PCP4L1: variants seen among roughly 807,000 people sequenced by gnomAD.
The protein encoded by PCP4L1 is Purkinje cell protein 4-like protein 1.
PCP4L1 carries 9 observed loss-of-function variants against 9.6 expected under a neutral mutation model. The observed-to-expected ratio is 0.94, with a 90% confidence interval of 0.57 to 1.64. The LOEUF (loss-of-function observed/expected upper bound fraction) is 1.64. Ranked by LOEUF, PCP4L1 falls within the 40% of genes most tolerant of loss-of-function variation. PCP4L1 has a pLI of 0.00. For missense variants in PCP4L1, 81 were observed against 80.8 expected, an observed-to-expected ratio of 1.00 and a Z score of -0.01; for synonymous variants, 31 against 28.2, an observed-to-expected ratio of 1.10 and a Z score of -0.31.
At chr1:161,259,886 T>C (rs998897007) in intron 1 of PCP4L1, among the ~76,000 whole-genome samples, 4 of 152,218 alleles carry the variant, frequency 2.6e-5, no homozygotes, top group African/African-American at 9.6e-5. Context: ...GTCAGATATG[T>C]ATGTAGGCCA....
rs1462305079 is a variant in PCP4L1 at position 161,284,287 on chromosome 1, G to A, written c.65-52G>A. The A allele has an allele frequency of 5.6e-6, 9 of 1,613,330 alleles. No homozygotes were observed. In the East Asian group the frequency reaches 1.6e-4, roughly 28 times the overall value. On this transcript the variant is annotated intron_variant, in intron 2 of 2. Transcript: ENST00000504449. ...CACTGTATTGGGGGCCTGGAGAAAG[G>A]GTCTAGAGCAGGTCAGATTAACTCA...
At chr1:161,278,639 C>T (rs558672503) in intron 1 of PCP4L1, among the ~76,000 whole-genome samples, 14 of 152,120 alleles carry the variant, frequency 9.2e-5, no homozygotes, top group Middle Eastern at 3.4e-3. Context: ...TTCCTCTGCC[C>T]CAAAACCTAT....
At chr1:161,284,282 G>A (rs1400378208) in intron 2 of PCP4L1, 57 bp from the exon 3 acceptor site, 4 of 1,611,032 alleles carry the variant, frequency 2.5e-6, no homozygotes, top group Non-Finnish European at 3.4e-6. Context: ...GGGGCCTGGA[G>A]AAAGGGTCTA....
At chr1:161,275,645 T>C (rs1296861876) in intron 1 of PCP4L1, among the ~76,000 whole-genome samples, 1 of 151,904 alleles carries the variant, frequency 6.6e-6, no homozygotes, top group African/African-American at 2.4e-5. Flanking sequence ...GGCTAAATCA[T>C]AGATCAGAGT....
At chr1:161,282,066 G>A (rs959584881) in intron 1 of PCP4L1, among the ~76,000 whole-genome samples, 7 of 152,188 alleles carry the variant, frequency 4.6e-5, no homozygotes, top group African/African-American at 1.7e-4. Context: ...AGCAAGCGGA[G>A]ATCATGCCAC....
chr1:161,264,314 C>T (rs879460082), intron 1 of PCP4L1, among the ~76,000 whole-genome samples: 39 of 151,608 alleles, frequency 2.6e-4, no homozygotes, highest in Admixed American at 2.0e-3. Context: ...GTCAGGAGTT[C>T]GAGACCAGCC....
intron 1 of PCP4L1, among the ~76,000 whole-genome samples, chr1:161,275,333 G>A (rs551693179): frequency 3.0e-4 from 46 of 151,976 alleles, no homozygotes; most frequent in Non-Finnish European, 5.1e-4. Context: ...TGGCTAACAC[G>A]GTGAAACCCC....
At chr1:161,259,142 G>A (rs898403113) in intron 1 of PCP4L1, among the ~76,000 whole-genome samples, 159 bp downstream of exon 1, 1 of 152,174 alleles carries the variant, frequency 6.6e-6, no homozygotes, top group African/African-American at 2.4e-5. Flanking sequence ...CCACCTCGGG[G>A]CGCTGGGAAA....
Position 161,276,300 on chromosome 1 carries a change from G to A in PCP4L1, c.10-7368G>A, listed in dbSNP as rs114505919. 4.9e-3 allele frequency among the ~76,000 whole-genome samples: 750 copies of A among 152,268 alleles called. 2 individuals carry two copies. Among genetic ancestry groups the A allele is most frequent in the Non-Finnish European group, 8.6e-3 (586 of 68,018 alleles). ...CTCAGGAACAGTCCTTCCTCTCATG[G>A]AATCTTTCTTTTGGTCAAAGGGGAA... On this transcript the variant is annotated intron_variant, in intron 1 of 2. Transcript: ENST00000504449.
At chr1:161,267,235 T>G (rs1373636033) in intron 1 of PCP4L1, among the ~76,000 whole-genome samples, 1 of 152,250 alleles carries the variant, frequency 6.6e-6, no homozygotes, top group East Asian at 1.9e-4. Context: ...CTGTGTGTAT[T>G]CATCCAAACT....
At chr1:161,269,945 G>A (rs1188995658) in intron 1 of PCP4L1, among the ~76,000 whole-genome samples, 2 of 151,924 alleles carry the variant, frequency 1.3e-5, no homozygotes, top group Non-Finnish European at 2.9e-5. Context: ...GCTGCAGTGA[G>A]CTGAGATTGT....
intron 1 of PCP4L1, among the ~76,000 whole-genome samples, chr1:161,274,548 G>A (rs183951723): frequency 6.6e-6 from 1 of 152,282 alleles, no homozygotes; most frequent in Non-Finnish European, 1.5e-5. Flanking sequence ...GTACCTCTGT[G>A]CCTCCTTTGT....
rs1207627402 is a variant in PCP4L1 at position 161,266,834 on chromosome 1, A to T, written c.9+7851A>T. 3.3e-5 allele frequency among the ~76,000 whole-genome samples: 5 copies of T among 152,196 alleles called. No individual in the cohort carries two copies. The South Asian group carries it at 8.3e-4, about 25-fold the overall frequency. On this transcript the variant is annotated intron_variant, in intron 1 of 2. Transcript: ENST00000504449. ...AGGACTGCAGCTGGTTGCTGCACTGAAAGAATTGAAATGGTTCCAACGGTG... is the reference window on the plus strand; with the variant it reads ...AGGACTGCAGCTGGTTGCTGCACTGTAAGAATTGAAATGGTTCCAACGGTG...
At chr1:161,267,603 G>A (rs776788667) in intron 1 of PCP4L1, among the ~76,000 whole-genome samples, 5 of 152,222 alleles carry the variant, frequency 3.3e-5, no homozygotes, top group Non-Finnish European at 5.9e-5. Flanking sequence ...GGGGAAGATT[G>A]GGCCTAGAGT....
At chr1:161,260,392 G>A (rs762228736) in intron 1 of PCP4L1, among the ~76,000 whole-genome samples, 8 of 152,186 alleles carry the variant, frequency 5.3e-5, no homozygotes, top group Non-Finnish European at 1.5e-5. Context: ...AGAAAAAAAC[G>A]CATCAACCTC....
chr1:161,274,818 G>C (rs1358858314), intron 1 of PCP4L1, among the ~76,000 whole-genome samples: 1 of 152,072 alleles, frequency 6.6e-6, no homozygotes, highest in East Asian at 1.9e-4. Context: ...TGGCTAGAAA[G>C]AGGGAAGAGG....
chr1:161,261,096 C>A (rs1669408980), intron 1 of PCP4L1, among the ~76,000 whole-genome samples: 1 of 152,110 alleles, frequency 6.6e-6, no homozygotes, highest in African/African-American at 2.4e-5. Flanking sequence ...TCAGGCCAGC[C>A]CCATGGGGCT....
At position 161,282,143 on chromosome 1, in the gene PCP4L1, G is replaced by T. The variant is rs549804025; in HGVS notation, c.10-1525G>T. On this transcript the variant is annotated intron_variant, in intron 1 of 2. Transcript: ENST00000504449. ...ACTCCGTCTGCAATCCCGGCACCTC[G>T]GGAGGCCGAGGCTGGCGGATCACTC... Among the ~76,000 whole-genome samples, 3 of 152,258 alleles carry T rather than the reference G, an allele frequency of 2.0e-5. No individual in the cohort carries two copies. In the South Asian group the frequency reaches 6.2e-4, roughly 32 times the overall value.
At chr1:161,276,823 A>G (rs113063605) in intron 1 of PCP4L1, among the ~76,000 whole-genome samples, 14,984 of 151,946 alleles carry the variant, frequency 0.099, 985 homozygotes, top group Non-Finnish European at 0.14. Flanking sequence ...AATTTGGACC[A>G]TATAAAGTTA....
Sources: gnomAD v4.1 joint callset for allele counts (sites outside exome capture counted in the v4.1 genomes callset) on GRCh38, gnomAD v4.1.1 for gene constraint, MANE v1.5 for transcripts, NCBI Gene and HGNC (gene_info 2026-07-23, HGNC 2026-07-21) for gene names.